Variants in EPHA6 observed in about 807,000 individuals in gnomAD.
EPHA6 encodes the protein EPH receptor A6.
EPHA6 carries 50 observed loss-of-function variants against 112.0 expected under a neutral mutation model. That is an observed-to-expected ratio of 0.45 (90% CI 0.36 to 0.56). The LOEUF (loss-of-function observed/expected upper bound fraction) is 0.56, where lower values mean the gene tolerates loss of function less well. Among genes scored for constraint, EPHA6 ranks in the 20% least tolerant of loss-of-function variants. The pLI is 0.00. For missense variants in EPHA6, 1,280 were observed against 1,417.4 expected, an observed-to-expected ratio of 0.90 and a Z score of 1.56; for synonymous variants, 529 against 490.7, an observed-to-expected ratio of 1.08 and a Z score of -1.03.
At chr3:97,321,530 A>G (rs2082118946) in intron 5 of EPHA6, among the ~76,000 whole-genome samples, 1 of 152,004 alleles carries the variant, frequency 6.6e-6, no homozygotes, top group Non-Finnish European at 1.5e-5. Flanking sequence ...TTCAAACTAG[A>G]GTCTTCCTAT....
At chr3:97,484,781 C>T (rs1473985086) in intron 10 of EPHA6, among the ~76,000 whole-genome samples, 2 of 152,196 alleles carry the variant, frequency 1.3e-5, no homozygotes, top group Non-Finnish European at 2.9e-5. Context: ...CTTCCTTCCC[C>T]TAGCATGCCA....
intron 11 of EPHA6, among the ~76,000 whole-genome samples, chr3:97,572,429 C>T (rs191488023): frequency 3.4e-4 from 51 of 152,188 alleles, no homozygotes; most frequent in African/African-American, 1.1e-3. Context: ...GGATTACAGG[C>T]GTGAGACACC....
chr3:97,048,131 A>G (rs776800048), intron 3 of EPHA6, among the ~76,000 whole-genome samples: 1 of 152,246 alleles, frequency 6.6e-6, no homozygotes, highest in Non-Finnish European at 1.5e-5. Flanking sequence ...GCCCAAGATG[A>G]AGATTTATTT....
At chr3:97,142,411 C>T (rs1358632744) in intron 3 of EPHA6, among the ~76,000 whole-genome samples, 2 of 151,826 alleles carry the variant, frequency 1.3e-5, no homozygotes, top group Non-Finnish European at 2.9e-5. Flanking sequence ...AAACCATAAG[C>T]AAAATTGATA....
chr3:96,972,048 GA>G (rs1225610536), intron 2 of EPHA6, among the ~76,000 whole-genome samples: 2 of 151,824 alleles, frequency 1.3e-5, no homozygotes, highest in African/African-American at 4.8e-5. Context: ...TTACTTTTGG[GA>G]AAAAATAATA....
intron 3 of EPHA6, among the ~76,000 whole-genome samples, chr3:97,155,739 C>G (rs1436224338): frequency 6.6e-6 from 1 of 152,092 alleles, no homozygotes; most frequent in Non-Finnish European, 1.5e-5. Context: ...TGGCTGTCAT[C>G]CAGGGACCAA....
intron 5 of EPHA6, among the ~76,000 whole-genome samples, chr3:97,317,019 C>T (rs1267435467): frequency 2.0e-5 from 3 of 151,610 alleles, no homozygotes; most frequent in African/African-American, 7.3e-5. Flanking sequence ...AACTCTTTGA[C>T]TCAATATGCT....
chr3:96,932,387 T>C (rs1404873613), intron 2 of EPHA6, among the ~76,000 whole-genome samples: 2 of 152,220 alleles, frequency 1.3e-5, no homozygotes, highest in Non-Finnish European at 2.9e-5. Flanking sequence ...ATAAATATTT[T>C]AAAAACACAG....
At chr3:97,565,796 A>G (rs1577798403) in intron 11 of EPHA6, among the ~76,000 whole-genome samples, 1 of 152,118 alleles carries the variant, frequency 6.6e-6, no homozygotes, top group Admixed American at 6.5e-5. Context: ...AGGCAGGTGG[A>G]TCACAAGGTC....
chr3:97,756,872 T>C lies in EPHA6; in HGVS notation c.*8171T>C, dbSNP rs370207853. Reference sequence around the variant, plus strand: ...TCACATTCCACCTTGGATTGTGACATTGAAAAACATTGAATATATACAGGA... The same window carrying C: ...TCACATTCCACCTTGGATTGTGACACTGAAAAACATTGAATATATACAGGA... On this transcript the variant is annotated 3_prime_UTR_variant, in exon 18 of 18. Transcript: ENST00000389672. Among the ~76,000 whole-genome samples, 2 of 152,002 alleles carry C rather than the reference T, an allele frequency of 1.3e-5. No individual in the cohort carries two copies. Among genetic ancestry groups the C allele is most frequent in the East Asian group, 1.9e-4 (1 of 5,192 alleles).
At chr3:97,085,961 G>A (rs374606207) in intron 3 of EPHA6, among the ~76,000 whole-genome samples, 50 of 105,282 alleles carry the variant, frequency 4.7e-4, no homozygotes, top group African/African-American at 4.2e-3. Context: ...ACACTGAGAT[G>A]GAGTCTCTTG....
chr3:97,480,761 G>C (rs186727931), intron 9 of EPHA6, among the ~76,000 whole-genome samples: 1 of 152,220 alleles, frequency 6.6e-6, no homozygotes, highest in Non-Finnish European at 1.5e-5. Context: ...CTCCCAGACG[G>C]GGTGGCGGCC....
intron 5 of EPHA6, among the ~76,000 whole-genome samples, chr3:97,387,173 A>T (rs560329703): frequency 6.6e-6 from 1 of 152,312 alleles, no homozygotes; most frequent in Admixed American, 6.5e-5. Flanking sequence ...TTGACTATTA[A>T]CATTTGGCTT....
chr3:96,862,136 A>G (rs1017787475), intron 1 of EPHA6, among the ~76,000 whole-genome samples: 4 of 151,860 alleles, frequency 2.6e-5, no homozygotes, highest in Non-Finnish European at 4.4e-5. Flanking sequence ...TCTAAAATGT[A>G]ACGTATAAAG....
chr3:96,911,600 T>A (rs2039216670), intron 2 of EPHA6, among the ~76,000 whole-genome samples: 1 of 152,064 alleles, frequency 6.6e-6, no homozygotes, highest in African/African-American at 2.4e-5. Flanking sequence ...AATCAAAGTT[T>A]AACATTTGTT....
At chr3:97,502,979 C>A (rs548128943) in intron 10 of EPHA6, among the ~76,000 whole-genome samples, 2 of 150,580 alleles carry the variant, frequency 1.3e-5, no homozygotes, top group African/African-American at 4.9e-5. Context: ...TTCAAACTAA[C>A]TCTGACAAAA....
rs763682996 is a variant in EPHA6, at chr3:96,994,759, A to AGAGAGCGAGC, written c.1114+6769_1114+6770insAGCGAGCGAG. Among the ~76,000 whole-genome samples the AGAGAGCGAGC allele has an allele frequency of 1.1e-3, 128 of 116,236 alleles. 2 individuals carry two copies. Among genetic ancestry groups the AGAGAGCGAGC allele is most frequent in the African/African-American group, 4.0e-3 (113 of 28,190 alleles). The allele number at this position is 116,236 out of a possible 152,430, so 76.3% of individuals were successfully genotyped here. On this transcript the variant is annotated intron_variant, in intron 3 of 17. Coordinates refer to ENST00000389672, the MANE Select transcript of EPHA6 (RefSeq NM_001080448.3). ...GAGAGAGAGAGAGAGAGAGAGAGAGAGAGCTATATATATACCTACAGGCTG... is the reference window on the plus strand; with the variant it reads ...GAGAGAGAGAGAGAGAGAGAGAGAGAGAGAGCGAGCGAGCTATATATATACCTACAGGCTG...
intron 3 of EPHA6, among the ~76,000 whole-genome samples, chr3:97,146,413 C>T (rs532748211): frequency 6.6e-6 from 1 of 151,916 alleles, no homozygotes; most frequent in African/African-American, 2.4e-5. Context: ...GATAATGTCT[C>T]CCAAACCATA....
chr3:97,737,406 T>TG (rs1246045628), intron 16 of EPHA6, among the ~76,000 whole-genome samples: 1 of 152,024 alleles, frequency 6.6e-6, no homozygotes, highest in Non-Finnish European at 1.5e-5. Context: ...GGAATGAGGT[T>TG]GGGGGTCAGA....
Sources: gnomAD v4.1 joint callset for allele counts (sites outside exome capture counted in the v4.1 genomes callset) on GRCh38, gnomAD v4.1.1 for gene constraint, MANE v1.5 for transcripts, NCBI Gene and HGNC (gene_info 2026-07-23, HGNC 2026-07-21) for gene names.